Variants in RECQL5 observed in about 807,000 individuals in gnomAD.
RECQL5 encodes RecQ like helicase 5, also known as ATP-dependent DNA helicase Q5.
In RECQL5, 88 loss-of-function variants were observed where a neutral mutation model predicts 103.4. The observed-to-expected ratio is 0.85, with a 90% CI of 0.72 to 1.02. RECQL5 has a LOEUF of 1.02. Ranked by LOEUF, RECQL5 falls within the 50% of genes least tolerant of loss-of-function variation. The pLI is 0.00. For synonymous variants in RECQL5, 552 were observed against 507.9 expected, an observed-to-expected ratio of 1.09 and a Z score of -1.17; for missense variants, 1,232 against 1,284.3, an observed-to-expected ratio of 0.96 and a Z score of 0.62.
intron 8 of RECQL5, among the ~76,000 whole-genome samples, chr17:75,631,887 G>A (rs909542855): frequency 1.3e-5 from 2 of 152,238 alleles, no homozygotes; most frequent in Middle Eastern, 3.2e-3. Flanking sequence ...CCAAGGTCAC[G>A]TAACACATGG....
rs539571101 is a variant in RECQL5 at position 75,651,053 on chromosome 17, C to T, written c.1229+133G>A. On this transcript the variant is annotated intron_variant, in intron 8 of 19. Coordinates refer to ENST00000317905, the MANE Select transcript of RECQL5 (RefSeq NM_004259.7). Reference sequence around the variant, plus strand: ...AGGTCCTGACTTCCACACTGCCCGACACAACAGCCTTTGCAGGCAGGTGTC... The same window carrying T: ...AGGTCCTGACTTCCACACTGCCCGATACAACAGCCTTTGCAGGCAGGTGTC... 7.6e-6 allele frequency: 12 copies of T among 1,576,474 alleles called. No homozygotes were observed. The African/African-American group carries it at 1.6e-4, about 21-fold the overall frequency.
chr17:75,651,847 T>C (rs1568278086), intron 7 of RECQL5, among the ~76,000 whole-genome samples: 1 of 152,210 alleles, frequency 6.6e-6, no homozygotes, highest in African/African-American at 2.4e-5. Flanking sequence ...CGCACAAATG[T>C]TGTGAACTTA....
intron 14 of RECQL5, 45 bp from the exon 15 acceptor site, chr17:75,629,887 C>A: frequency 2.6e-6 from 4 of 1,559,312 alleles, no homozygotes; most frequent in Non-Finnish European, 3.5e-6. Context: ...GCCAGCTCCT[C>A]CTGACATGCC....
chr17:75,629,782 T>C lies in RECQL5; in HGVS notation c.1873A>G (p.Lys625Glu). ...GQPYDMGGSA[K>E]SCSAQAEPPE... ...GGCTCAGCTTGGGCACTGCAGCTCT[T>C]GGCACTGCCTCCCATGTCATAGGGC... Residue 625 changes from lysine to glutamate, a missense_variant, in exon 15 of 20, where the codon AAG (lysine) becomes GAG (glutamate). By Grantham distance (56) the Lys-to-Glu change is moderately conservative. Coordinates refer to ENST00000317905, the MANE Select transcript of RECQL5 (RefSeq NM_004259.7). 6.2e-7 allele frequency: 1 copy of C among 1,613,652 alleles called. No individual in the cohort carries two copies. Among genetic ancestry groups the C allele is most frequent in the Non-Finnish European group, 8.5e-7 (1 of 1,179,812 alleles).
chr17:75,631,037 A>G (rs776134301), intron 10 of RECQL5, 27 bp from the exon 11 acceptor site: 2 of 1,613,338 alleles, frequency 1.2e-6, no homozygotes, highest in Non-Finnish European at 8.5e-7. Context: ...AGGACCCATG[A>G]GGCGTCCTGC....
chr17:75,628,037 G>C (rs2059133661), intron 18 of RECQL5, among the ~76,000 whole-genome samples, 181 bp downstream of exon 18: 1 of 150,320 alleles, frequency 6.7e-6, no homozygotes, highest in Non-Finnish European at 1.5e-5. Flanking sequence ...GCAGGACCCT[G>C]CCCTGACCCC....
chr17:75,639,347 A>G (rs776525928), intron 8 of RECQL5: 1 of 152,248 alleles, frequency 6.6e-6, no homozygotes, highest in Non-Finnish European at 1.5e-5. Flanking sequence ...TCCTCTCTAA[A>G]GAGGCACCAG....
intron 7 of RECQL5, among the ~76,000 whole-genome samples, chr17:75,655,434 G>A (rs1010720332): frequency 4.0e-5 from 6 of 148,928 alleles, no homozygotes; most frequent in East Asian, 2.0e-4. Flanking sequence ...TGCAATCTGG[G>A]CTCACTGCAA....
At chr17:75,627,544 A>G (rs753377906) in intron 19 of RECQL5, 22 bp from the exon 20 acceptor site, 11 of 1,612,644 alleles carry the variant, frequency 6.8e-6, no homozygotes, top group Admixed American at 5.0e-5. Context: ...GGGTGGGGGC[A>G]TGAGGAGGTG....
chr17:75,628,682 C>G lies in RECQL5; in HGVS notation c.2570G>C (p.Arg857Pro). The G allele has an allele frequency of 1.9e-6, 3 of 1,587,130 alleles. No homozygotes were observed. The highest frequency in any genetic ancestry group is 1.1e-5 in the South Asian group (1 of 87,012). Residue 857 changes from arginine (R) to proline (P), a missense_variant, in exon 17 of 20, where the codon CGA becomes CCA. By Grantham distance (103) the Arg-to-Pro change is moderately radical. Coordinates refer to ENST00000317905, the MANE Select transcript of RECQL5 (RefSeq NM_004259.7). ...AKDTWKGKRP[R>P]SQQENPESQP... The stretch of plus-strand genomic sequence containing the variant: ...CATCCCTGCCGGCACCTGCTGGGAT[C>G]GAGGCCGCTTGCCCTTCCATGTGTC...
intron 8 of RECQL5, chr17:75,633,555 C>T (rs868848156): frequency 3.0e-5 from 38 of 1,279,008 alleles, no homozygotes; most frequent in South Asian, 1.1e-4. Context: ...AGATGCTGAG[C>T]GGCACAAGGG....
In RECQL5 at chr17:75,651,742, G is replaced by A. The variant is rs73995956; in HGVS notation, c.1150-477C>T. ...CTGGGATGAGCTTTTGAGAGTTTCC[G>A]AAAAGCTTCTCAGGAGGTTCTCATG... On this transcript the variant is annotated intron_variant, in intron 7 of 19. Transcript: ENST00000317905. Among the ~76,000 whole-genome samples the A allele has an allele frequency of 1.0e-3, 152 of 152,286 alleles. 1 individual carries two copies. The highest frequency in any genetic ancestry group is 6.8e-3 in the Middle Eastern group (2 of 294).
At chr17:75,657,578 C>T (rs1488441091) in intron 7 of RECQL5, among the ~76,000 whole-genome samples, 2 of 151,822 alleles carry the variant, frequency 1.3e-5, no homozygotes, top group African/African-American at 2.4e-5. Flanking sequence ...AGTGAAACCC[C>T]ATCTCTGCCA....
rs374373710 is a variant in RECQL5, at chr17:75,628,765, G to A, written c.2490-3C>T. The A allele has an allele frequency of 3.1e-6, 5 of 1,599,588 alleles. No homozygotes were observed. The Admixed American group carries it at 9.1e-5, about 29-fold the overall frequency. On this transcript the variant is annotated splice_polypyrimidine_tract_variant and splice_region_variant and intron_variant, in intron 16 of 19. Coordinates refer to ENST00000317905, the MANE Select transcript of RECQL5 (RefSeq NM_004259.7). ...CCTGGTCTCTGGGCGGGCAGGTGCT[G>A]GTAGAGGGAAGAGCAGGCATCACAG...
intron 7 of RECQL5, among the ~76,000 whole-genome samples, chr17:75,655,721 T>C (rs1200573719): frequency 6.6e-6 from 1 of 151,814 alleles, no homozygotes; most frequent in Non-Finnish European, 1.5e-5. Context: ...CAGGCTGGAG[T>C]GCGTCCTCCA....
At position 75,640,421 on chromosome 17, in the gene RECQL5, G is replaced by A. The variant is rs2148290419; in HGVS notation, c.1230-8753C>T. The A allele has an allele frequency of 2.8e-6, 4 of 1,444,364 alleles. No homozygotes were observed. The highest frequency in any genetic ancestry group is 2.5e-5 in the East Asian group (1 of 39,648). 89.5% of individuals were successfully genotyped at this position (1,444,364 alleles called of 1,614,324 possible). On this transcript the variant is annotated intron_variant, in intron 8 of 19. Coordinates refer to ENST00000317905, the MANE Select transcript of RECQL5 (RefSeq NM_004259.7). This position sits in a 1 kb window ranked among gnomAD's most constrained non-coding sequence, Gnocchi z 4.6. ...GCCAGAGGGCTGGCAGAGGTGGCGG[G>A]TGTCTGCCGGATCAAGGAGGAAAAC...
At chr17:75,645,451 T>C (rs748589748) in intron 8 of RECQL5, among the ~76,000 whole-genome samples, 4 of 152,232 alleles carry the variant, frequency 2.6e-5, no homozygotes, top group Non-Finnish European at 4.4e-5. Flanking sequence ...ACATGTAAAA[T>C]TGGGGTTTCA....
chr17:75,658,544 G>C, intron 6 of RECQL5, 84 bp from the exon 7 acceptor site: 3 of 1,336,144 alleles, frequency 2.2e-6, no homozygotes, highest in Non-Finnish European at 3.2e-6. Context: ...TAGGAGAGCA[G>C]GGAGGCCAGC....
rs370538289 is a variant in RECQL5 at position 75,629,499 on chromosome 17, G to C, written c.1948-24C>G. The C allele has an allele frequency of 1.2e-5, 18 of 1,501,546 alleles. No homozygotes were observed. The East Asian group carries it at 4.1e-4, about 35-fold the overall frequency. 93.0% of individuals were successfully genotyped at this position (1,501,546 alleles called of 1,614,324 possible). On this transcript the variant is annotated intron_variant, in intron 15 of 19. Transcript: ENST00000317905. Reference sequence around the variant, plus strand: ...AGCTGTAAATGTGAGCAGGAGGAGAGGAGGTTCAGCCCACTAGGCCCCCTT... The same window carrying C: ...AGCTGTAAATGTGAGCAGGAGGAGACGAGGTTCAGCCCACTAGGCCCCCTT...
Sources: allele counts gnomAD v4.1 joint callset (sites outside exome capture counted in the v4.1 genomes callset), GRCh38; gene constraint gnomAD v4.1.1; non-coding constraint Gnocchi (gnomAD v3.1); transcripts MANE v1.5; gene names NCBI Gene and HGNC (gene_info 2026-07-23, HGNC 2026-07-21).